TENM1: variants seen among roughly 807,000 people sequenced by gnomAD.
TENM1 encodes the protein teneurin transmembrane protein 1.
TENM1 carries 35 observed loss-of-function variants against 174.8 expected under a neutral mutation model. That is an observed-to-expected ratio of 0.20 (90% confidence interval 0.15 to 0.27). TENM1 has a LOEUF of 0.27. Ranked by LOEUF, TENM1 falls within the 10% of genes least tolerant of loss-of-function variation. The probability of loss-of-function intolerance (pLI) is 1.00; values close to 1 mark genes in which losing one functional copy is unlikely to be tolerated. For synonymous variants in TENM1, 781 were observed against 798.7 expected (o/e 0.98, Z 0.37); for missense variants, 1,633 against 2,130.1 (o/e 0.77, Z 4.59).
chrX:124,551,391 A>T (rs1328270971), intron 14 of TENM1, among the ~76,000 whole-genome samples: 1 of 111,304 alleles, frequency 9.0e-6, no homozygotes, highest in Non-Finnish European at 1.9e-5. Context: ...GAGTTGTTTA[A>T]TGGGTATAAA....
the TENM1 span, among the ~76,000 whole-genome samples, chrX:125,156,435 G>A: frequency 9.0e-6 from 1 of 111,581 alleles, no homozygotes; most frequent in Non-Finnish European, 1.9e-5. Context: ...AGTAGACATT[G>A]GTGTCTGCTG....
chrX:124,999,748 C>A, the TENM1 span, among the ~76,000 whole-genome samples: 4 of 110,734 alleles, frequency 3.6e-5, no homozygotes, highest in African/African-American at 1.3e-4. Flanking sequence ...TAATAAATGT[C>A]TTGCTCTACA....
intron 5 of TENM1, among the ~76,000 whole-genome samples, chrX:124,686,415 T>C (rs894231862): frequency 2.7e-5 from 3 of 112,053 alleles, no homozygotes; most frequent in Non-Finnish European, 5.6e-5. Context: ...TATTAGAACA[T>C]ACAAAAGCAT....
chrX:125,094,504 C>T, the TENM1 span, among the ~76,000 whole-genome samples: 263 of 111,925 alleles, frequency 2.3e-3, 2 homozygotes, highest in African/African-American at 8.2e-3. Context: ...CAAATTCAGG[C>T]GAGTTAAGTA....
At chrX:124,756,194 A>C (rs2054232673) in intron 3 of TENM1, among the ~76,000 whole-genome samples, 1 of 91,925 alleles carries the variant, frequency 1.1e-5, no homozygotes, top group Non-Finnish European at 2.0e-5. Context: ...GTTTCTTTTT[A>C]TTTTTTTTTT....
At chrX:124,905,558 T>C (rs762871693) in intron 1 of TENM1, among the ~76,000 whole-genome samples, 13 of 111,517 alleles carry the variant, frequency 1.2e-4, no homozygotes, top group South Asian at 7.6e-4. Context: ...GGACAACAGA[T>C]AATGAAGGAC....
chrX:124,957,233 G>A (rs2058587893), intron 1 of TENM1, among the ~76,000 whole-genome samples: 1 of 110,027 alleles, frequency 9.1e-6, no homozygotes, highest in African/African-American at 3.3e-5. Flanking sequence ...TTGGATGGAT[G>A]GATGAATGGA....
the TENM1 span, among the ~76,000 whole-genome samples, chrX:125,059,233 T>A: frequency 1.3e-4 from 15 of 111,450 alleles, no homozygotes; most frequent in Non-Finnish European, 2.6e-4. Flanking sequence ...TTTGTGATGA[T>A]TTATTTTTTG....
the TENM1 span, among the ~76,000 whole-genome samples, chrX:124,975,264 G>A: frequency 4.5e-5 from 5 of 110,661 alleles, 1 homozygote; most frequent in Non-Finnish European, 9.5e-5. Flanking sequence ...GGAAACTGAA[G>A]GTAACTCGAT....
At chrX:124,915,277 C>A (rs2147654693) in intron 1 of TENM1, among the ~76,000 whole-genome samples, 1 of 112,370 alleles carries the variant, frequency 8.9e-6, no homozygotes, top group East Asian at 2.8e-4. Flanking sequence ...GTAATCCTAA[C>A]ACTTTGGAAG....
chrX:124,494,697 A>G (rs1170284911), intron 20 of TENM1, among the ~76,000 whole-genome samples: 1 of 102,449 alleles, frequency 9.8e-6, no homozygotes, highest in Admixed American at 1.1e-4. Flanking sequence ...AGAGTGTGAT[A>G]TTCCCCTTCC....
In TENM1 at chrX:124,823,512, C is replaced by T. The variant is rs1004596024; in HGVS notation, c.535+70784G>A. On this transcript the variant is annotated intron_variant, in intron 3 of 31. Transcript: ENST00000422452. ...TCTTTGTGTTTTGATATATCATTAT[C>T]ATTAACATTTCTTAATTCCTTTTGC... is the stretch of plus-strand genomic sequence containing the variant. Among the ~76,000 whole-genome samples the T allele has an allele frequency of 2.7e-5, 3 of 111,132 alleles. No individual in the cohort carries two copies. In the Admixed American group the frequency reaches 2.9e-4, roughly 11 times the overall value.
chrX:124,941,322 C>G (rs2058323062), intron 1 of TENM1, among the ~76,000 whole-genome samples: 1 of 112,019 alleles, frequency 8.9e-6, no homozygotes, highest in South Asian at 3.7e-4. Context: ...ACTGTTCCCT[C>G]TTTCTGGATT....
intron 6 of TENM1, among the ~76,000 whole-genome samples, chrX:124,662,378 C>T (rs751547857): frequency 1.2e-4 from 13 of 104,038 alleles, no homozygotes; most frequent in South Asian, 4.8e-4. Flanking sequence ...TGCTTGAACC[C>T]GGGAGGTGGA....
At chrX:124,818,530 CTA>C (rs765147461) in intron 3 of TENM1, among the ~76,000 whole-genome samples, 10 of 111,638 alleles carry the variant, frequency 9.0e-5, no homozygotes, top group Non-Finnish European at 1.9e-4. Flanking sequence ...AATACCATGG[CTA>C]TATATATCTT....
the TENM1 span, among the ~76,000 whole-genome samples, chrX:124,971,388 T>G: frequency 8.9e-6 from 1 of 111,902 alleles, no homozygotes; most frequent in Non-Finnish European, 1.9e-5. Flanking sequence ...AGTCATAATA[T>G]GCACACAAAT....
intron 6 of TENM1, among the ~76,000 whole-genome samples, chrX:124,660,270 G>C (rs924379615): frequency 9.2e-6 from 1 of 109,016 alleles, no homozygotes; most frequent in Non-Finnish European, 1.9e-5. Context: ...AGCTACTCGG[G>C]AGGCTGAGGC....
intron 3 of TENM1, among the ~76,000 whole-genome samples, chrX:124,826,924 G>A (rs769036086): frequency 9.1e-4 from 102 of 111,539 alleles, no homozygotes; most frequent in African/African-American, 3.0e-3. Context: ...CATTACTGGT[G>A]TTTAAAAAAA....
intron 23 of TENM1, among the ~76,000 whole-genome samples, chrX:124,426,403 T>G (rs773027880): frequency 8.9e-6 from 1 of 112,426 alleles, no homozygotes; most frequent in South Asian, 3.7e-4. Context: ...AAACAAGGTA[T>G]GAGCTGTCAT....
Sources: gnomAD v4.1 joint callset for allele counts (sites outside exome capture counted in the v4.1 genomes callset) on GRCh38, gnomAD v4.1.1 for gene constraint, MANE v1.5 for transcripts, NCBI Gene and HGNC (gene_info 2026-07-23, HGNC 2026-07-21) for gene names.